Variants in HNRNPC observed in about 807,000 individuals in gnomAD.
HNRNPC encodes the protein heterogeneous nuclear ribonucleoproteins C1/C2.
Under a neutral mutation model 33.2 loss-of-function variants are expected in HNRNPC, and 3 were observed. The observed-to-expected ratio is 0.09, with a 90% confidence interval of 0.04 to 0.23. The LOEUF is 0.23. HNRNPC is among the 10% of genes least tolerant of loss of function. The pLI, the probability that HNRNPC is intolerant of heterozygous loss-of-function variation, is 1.00. For synonymous variants in HNRNPC, 121 were observed against 126.7 expected, an observed-to-expected ratio of 0.96 and a Z score of 0.30; for missense variants, 143 against 366.7, an observed-to-expected ratio of 0.39 and a Z score of 4.98.
intron 5 of HNRNPC, among the ~76,000 whole-genome samples, chr14:21,224,997 C>G (rs761094094): frequency 1.3e-5 from 2 of 152,090 alleles, no homozygotes; most frequent in Non-Finnish European, 2.9e-5. Context: ...TCAGAAAGAC[C>G]ATTGAACTAA....
intron 2 of HNRNPC, among the ~76,000 whole-genome samples, chr14:21,257,340 T>A (rs1877396623): frequency 6.6e-6 from 1 of 151,818 alleles, no homozygotes; most frequent in African/African-American, 2.4e-5. Flanking sequence ...GAAAGAAGTT[T>A]AACATGTAAC....
chr14:21,231,856 A>T (rs1261975149), intron 3 of HNRNPC, among the ~76,000 whole-genome samples: 1 of 152,224 alleles, frequency 6.6e-6, no homozygotes, highest in East Asian at 1.9e-4. Context: ...GCTCATTCCG[A>T]ATTATTACAA....
At chr14:21,257,392 A>C (rs561620723) in intron 2 of HNRNPC, among the ~76,000 whole-genome samples, 1 of 152,134 alleles carries the variant, frequency 6.6e-6, no homozygotes, top group East Asian at 1.9e-4. Flanking sequence ...TAAAAAAAAA[A>C]TAAAAACGTT....
intron 2 of HNRNPC, among the ~76,000 whole-genome samples, chr14:21,253,226 C>T (rs1896861564): frequency 6.7e-6 from 1 of 149,514 alleles, no homozygotes; most frequent in African/African-American, 2.5e-5. Flanking sequence ...CCTGTAATCC[C>T]AGCACTTTGG....
At chr14:21,244,533 C>A (rs143263950) in intron 2 of HNRNPC, among the ~76,000 whole-genome samples, 45 of 152,180 alleles carry the variant, frequency 3.0e-4, no homozygotes, top group African/African-American at 7.2e-4. Context: ...AGAGAACTCA[C>A]AATCTAATGA....
intron 6 of HNRNPC, chr14:21,212,128 G>T: frequency 2.0e-6 from 1 of 504,796 alleles, no homozygotes; most frequent in Non-Finnish European, 3.6e-6. Context: ...ATGTCTTTTA[G>T]ATCAGGGCTG....
At chr14:21,245,011 G>A (rs1200650149) in intron 2 of HNRNPC, among the ~76,000 whole-genome samples, 4 of 149,398 alleles carry the variant, frequency 2.7e-5, no homozygotes, top group East Asian at 2.0e-4. Flanking sequence ...CTTCAATCCC[G>A]GAGGCAGACG....
At position 21,231,076 on chromosome 14, in the gene HNRNPC, A is replaced by G. The variant is rs749606927; in HGVS notation, c.242-4T>C. On this transcript the variant is annotated splice_region_variant and splice_polypyrimidine_tract_variant and intron_variant, in intron 3 of 8. Transcript: ENST00000553300. Reference sequence around the variant, plus strand: ...GGCTCTGCAGCCAGGTTAATATCTGAAAAACAAAAGTAAAAATGTTAATGA... The same window carrying G: ...GGCTCTGCAGCCAGGTTAATATCTGGAAAACAAAAGTAAAAATGTTAATGA... The G allele has an allele frequency of 1.2e-6, 2 of 1,610,618 alleles. No individual in the cohort carries two copies. The highest frequency in any genetic ancestry group is 2.2e-5 in the East Asian group (1 of 44,868).
At chr14:21,242,534 T>C (rs896384297) in intron 2 of HNRNPC, among the ~76,000 whole-genome samples, 8 of 152,184 alleles carry the variant, frequency 5.3e-5, no homozygotes, top group African/African-American at 1.9e-4. Context: ...TGGTGAGGAC[T>C]TAACACCAAT....
Position 21,211,111 on chromosome 14 carries a change from A to T in HNRNPC, c.*112T>A. On this transcript the variant is annotated 3_prime_UTR_variant, in exon 9 of 9. Transcript: ENST00000553300. ...TGGGAAGGACAAGGATGGGGAGAAC[A>T]GTGAGCATGTGCTGAAGATACTAGG... is the stretch of plus-strand genomic sequence containing the variant. 3 of 1,140,316 alleles carry T rather than the reference A, an allele frequency of 2.6e-6. No homozygotes were observed. In the South Asian group the frequency reaches 4.1e-5, roughly 15 times the overall value. The allele number at this position is 1,140,316 out of a possible 1,614,324, so 70.6% of individuals were successfully genotyped here. A position where few individuals can be genotyped will look rare whatever the true frequency, so the allele number is the denominator to read the frequency against.
intron 5 of HNRNPC, among the ~76,000 whole-genome samples, chr14:21,217,992 A>C (rs1485144372): frequency 6.6e-6 from 1 of 152,202 alleles, no homozygotes; most frequent in African/African-American, 2.4e-5. Flanking sequence ...GTCCTAGATC[A>C]ATCATCAATT....
At chr14:21,258,619 C>T (rs1877638122) in intron 2 of HNRNPC, among the ~76,000 whole-genome samples, 1 of 152,140 alleles carries the variant, frequency 6.6e-6, no homozygotes, top group South Asian at 2.1e-4. Context: ...AACACAAACT[C>T]ACAACTTTAA....
Position 21,211,128 on chromosome 14 carries a change from G to A in HNRNPC, c.*95C>T, listed in dbSNP as rs1064971. 8.1e-7 allele frequency: 1 copy of A among 1,237,892 alleles called. No homozygotes were observed. Among genetic ancestry groups the A allele is most frequent in the East Asian group, 2.3e-5 (1 of 43,020 alleles). 76.7% of individuals were successfully genotyped at this position (1,237,892 alleles called of 1,614,324 possible). A position where few individuals can be genotyped will look rare whatever the true frequency, so the allele number is the denominator to read the frequency against. On this transcript the variant is annotated 3_prime_UTR_variant, in exon 9 of 9. Transcript: ENST00000553300. ...GGGAGAACAGTGAGCATGTGCTGAA[G>A]ATACTAGGGGAGAGGATCTGGTGAA... is the stretch of plus-strand genomic sequence containing the variant.
chr14:21,241,152 C>A (rs769205032), intron 2 of HNRNPC, among the ~76,000 whole-genome samples: 1 of 147,800 alleles, frequency 6.8e-6, no homozygotes, highest in Non-Finnish European at 1.5e-5. Flanking sequence ...CCCAGCTACT[C>A]GGGGGGCTGA....
chr14:21,252,753 T>C (rs1314238367), intron 2 of HNRNPC, among the ~76,000 whole-genome samples: 1 of 151,988 alleles, frequency 6.6e-6, no homozygotes, highest in Non-Finnish European at 1.5e-5. Flanking sequence ...CAAAATAACA[T>C]GGGAAGGGGG....
intron 2 of HNRNPC, among the ~76,000 whole-genome samples, chr14:21,255,089 T>A (rs976451265): frequency 1.3e-5 from 2 of 152,200 alleles, no homozygotes; most frequent in Non-Finnish European, 2.9e-5. Flanking sequence ...AGGATCAATA[T>A]AGGGAGTGAC....
intron 2 of HNRNPC, among the ~76,000 whole-genome samples, chr14:21,235,500 AAACTT>A (rs1338235276): frequency 7.9e-5 from 12 of 152,314 alleles, no homozygotes; most frequent in African/African-American, 2.4e-4. Context: ...AGCTCAAACA[AAACTT>A]CACTTCCTTC....
chr14:21,214,279 C>G (rs987526229), intron 5 of HNRNPC, among the ~76,000 whole-genome samples: 2 of 152,182 alleles, frequency 1.3e-5, no homozygotes, highest in Admixed American at 1.3e-4. Flanking sequence ...TCATGATTCT[C>G]CCTCTTATAT....
intron 5 of HNRNPC, among the ~76,000 whole-genome samples, chr14:21,218,069 T>C (rs1321867536): frequency 1.3e-5 from 2 of 152,180 alleles, no homozygotes; most frequent in African/African-American, 2.4e-5. Context: ...CTTTTCTTGT[T>C]TATATGCCTC....
Sources: allele counts gnomAD v4.1 joint callset (sites outside exome capture counted in the v4.1 genomes callset), GRCh38; gene constraint gnomAD v4.1.1; transcripts MANE v1.5; gene names NCBI Gene and HGNC (gene_info 2026-07-23, HGNC 2026-07-21).